The following WDR33 variants were observed in gnomAD, a reference collection of about 807,000 sequenced individuals.
WDR33 encodes the protein pre-mRNA 3' end processing protein WDR33.
In WDR33, 47 loss-of-function variants were observed where a neutral mutation model predicts 164.9. The observed-to-expected ratio is 0.29, with a 90% CI of 0.23 to 0.36. The LOEUF is 0.36. Ranked by LOEUF, WDR33 falls within the 10% of genes least tolerant of loss-of-function variation. WDR33 has a pLI of 1.00. For missense variants in WDR33, 1,137 were observed against 1,754.1 expected, an observed-to-expected ratio of 0.65 and a Z score of 6.28; for synonymous variants, 505 against 589.0, an observed-to-expected ratio of 0.86 and a Z score of 2.06.
chr2:127,736,383 T>C, intron 7 of WDR33: 1 of 985,388 alleles, frequency 1.0e-6, no homozygotes, highest in Non-Finnish European at 1.2e-6. Context: ...TGTTGCAAAA[T>C]GTAAGGATTT....
intron 7 of WDR33, among the ~76,000 whole-genome samples, chr2:127,754,810 G>C (rs1687475269): frequency 6.6e-6 from 1 of 151,734 alleles, no homozygotes; most frequent in Non-Finnish European, 1.5e-5. Context: ...CTATATTCTA[G>C]GCCTATATAA....
chr2:127,778,739 GGA>G (rs1410233324), intron 1 of WDR33, among the ~76,000 whole-genome samples: 1 of 152,052 alleles, frequency 6.6e-6, no homozygotes, highest in Non-Finnish European at 1.5e-5. Context: ...GGGTGTCAGG[GGA>G]GAGACACTTG....
chr2:127,745,710 A>G (rs1687146454), intron 7 of WDR33, among the ~76,000 whole-genome samples: 3 of 152,182 alleles, frequency 2.0e-5, no homozygotes, highest in African/African-American at 7.2e-5. Flanking sequence ...TTTTCAAGAT[A>G]TTGTAAACCT....
In WDR33 at chr2:127,770,342, T is replaced by C. The variant is rs1461535456; in HGVS notation, c.204+436A>G. ...TGAAATTCCACCGTGTCCCACTAATTCAACTAACACAGGTATACATACTTA... is the reference window on the plus strand; with the variant it reads ...TGAAATTCCACCGTGTCCCACTAATCCAACTAACACAGGTATACATACTTA... On this transcript the variant is annotated intron_variant, in intron 2 of 21. Coordinates refer to ENST00000322313, the MANE Select transcript of WDR33 (RefSeq NM_018383.5). The surrounding 1 kb of genome is among the most constrained non-coding windows in gnomAD (Gnocchi z 4.9). 6.6e-6 allele frequency among the ~76,000 whole-genome samples: 1 copy of C among 152,190 alleles called. No individual in the cohort carries two copies. Among genetic ancestry groups the C allele is most frequent in the Non-Finnish European group, 1.5e-5 (1 of 68,038 alleles).
Position 127,717,513 on chromosome 2 carries a change from A to G in WDR33, c.2761-250T>C, listed in dbSNP as rs1686330385. On this transcript the variant is annotated intron_variant, in intron 16 of 21. Coordinates refer to ENST00000322313, the MANE Select transcript of WDR33 (RefSeq NM_018383.5). This position sits in a 1 kb window ranked among gnomAD's most constrained non-coding sequence, Gnocchi z 5.6. ...AGATCTTTACTCGTAATGCCAAAAA[A>G]GAACATCAATGGAAAGTCAGAAATT... 6.6e-6 allele frequency among the ~76,000 whole-genome samples: 1 copy of G among 152,238 alleles called. No homozygotes were observed. The highest frequency in any genetic ancestry group is 1.5e-5 in the Non-Finnish European group (1 of 68,032).
At chr2:127,736,076 GTAAGTT>G (rs1446442702) in intron 7 of WDR33, 1 of 985,302 alleles carries the variant, frequency 1.0e-6, no homozygotes. Context: ...TTTAAAATGG[GTAAGTT>G]TCTTTCCCAG....
At chr2:127,753,353 T>C (rs984359836) in intron 7 of WDR33, among the ~76,000 whole-genome samples, 1 of 152,248 alleles carries the variant, frequency 6.6e-6, no homozygotes, top group Non-Finnish European at 1.5e-5. Flanking sequence ...TGCTTATAAA[T>C]ATAAAAGCCT....
intron 1 of WDR33, among the ~76,000 whole-genome samples, chr2:127,782,047 AAT>A (rs2105461932): frequency 6.6e-6 from 1 of 151,582 alleles, no homozygotes; most frequent in African/African-American, 2.4e-5. Context: ...ACACATATGG[AAT>A]ATTCAAAGTC....
At position 127,764,008 on chromosome 2, in the gene WDR33, A is replaced by T; in HGVS notation, c.626+820T>A. ...TGACTACAGTGGATGATGTTTCCATAAAGATGTCAACCTCCTCCCACACAT... is the reference window on the plus strand; with the variant it reads ...TGACTACAGTGGATGATGTTTCCATTAAGATGTCAACCTCCTCCCACACAT... On this transcript the variant is annotated intron_variant, in intron 6 of 21. Coordinates refer to ENST00000322313, the MANE Select transcript of WDR33 (RefSeq NM_018383.5). This position sits in a 1 kb window ranked among gnomAD's most constrained non-coding sequence, Gnocchi z 6.2. 1 of 986,162 alleles carries T rather than the reference A, an allele frequency of 1.0e-6. No individual in the cohort carries two copies. Among genetic ancestry groups the T allele is most frequent in the African/African-American group, 1.7e-5 (1 of 57,384 alleles). 61.1% of individuals were successfully genotyped at this position (986,162 alleles called of 1,614,324 possible). A position where few individuals can be genotyped will look rare whatever the true frequency, so the allele number is the denominator to read the frequency against.
rs557426677 is a variant in WDR33 at position 127,718,886 on chromosome 2, A to G, written c.2760+379T>C. ...CCAGGCTGCAATGTAAAGGGCCCAG[A>G]AAGGAGGCATGACAGCCTCAGAGCC... On this transcript the variant is annotated intron_variant, in intron 16 of 21. Coordinates refer to ENST00000322313, the MANE Select transcript of WDR33 (RefSeq NM_018383.5). This position sits in a 1 kb window ranked among gnomAD's most constrained non-coding sequence, Gnocchi z 4.4. Among the ~76,000 whole-genome samples the G allele has an allele frequency of 6.6e-6, 1 of 152,336 alleles. No homozygotes were observed. The highest frequency in any genetic ancestry group is 1.5e-5 in the Non-Finnish European group (1 of 68,036).
chr2:127,758,727 A>G (rs1386615660), intron 7 of WDR33, among the ~76,000 whole-genome samples: 1 of 152,304 alleles, frequency 6.6e-6, no homozygotes, highest in East Asian at 1.9e-4. Flanking sequence ...CGTATTTTCA[A>G]CCTGCCAGTA....
chr2:127,795,981 T>C (rs1221062863), intron 1 of WDR33, among the ~76,000 whole-genome samples: 3 of 151,952 alleles, frequency 2.0e-5, no homozygotes, highest in Non-Finnish European at 4.4e-5. Context: ...CTAAGATATT[T>C]TGGGGCAATT....
At position 127,703,022 on chromosome 2, in the gene WDR33, T is replaced by C. The variant is rs891499744; in HGVS notation, c.*3301A>G. 4 of 167,144 alleles carry C rather than the reference T, an allele frequency of 2.4e-5. No homozygotes were observed. The highest frequency in any genetic ancestry group is 4.8e-5 in the African/African-American group (2 of 41,478). The allele number at this position is 167,144 out of a possible 1,614,324, so 10.4% of individuals were successfully genotyped here. Reference sequence around the variant, plus strand: ...CTAGTTTACAATTTGCAGGCTGATCTTAAGATTTTTTTATATCTAATTGCT... The same window carrying C: ...CTAGTTTACAATTTGCAGGCTGATCCTAAGATTTTTTTATATCTAATTGCT... On this transcript the variant is annotated 3_prime_UTR_variant, in exon 22 of 22. Coordinates refer to ENST00000322313, the MANE Select transcript of WDR33 (RefSeq NM_018383.5).
Position 127,714,141 on chromosome 2 carries a change from G to T in WDR33, c.2870-120C>A. 1.7e-6 allele frequency: 2 copies of T among 1,172,826 alleles called. No homozygotes were observed. Among genetic ancestry groups the T allele is most frequent in the Non-Finnish European group, 2.3e-6 (2 of 879,818 alleles). 72.7% of individuals were successfully genotyped at this position (1,172,826 alleles called of 1,614,324 possible). On this transcript the variant is annotated intron_variant, in intron 17 of 21. Transcript: ENST00000322313. This position sits in a 1 kb window ranked among gnomAD's most constrained non-coding sequence, Gnocchi z 4.3. ...TTATTGAGAATGTTTTCCCTCCTTG[G>T]TTCTCAGCTTAGTTAGGAGACAAAT...
Position 127,793,629 on chromosome 2 carries a change from T to C in WDR33, c.-24+17383A>G, listed in dbSNP as rs552882779. On this transcript the variant is annotated intron_variant, in intron 1 of 21. Coordinates refer to ENST00000322313, the MANE Select transcript of WDR33 (RefSeq NM_018383.5). ...GGTGGCAGGTACTTGTGGTCCTAGC[T>C]ACTTGGAAGGCTGAGGAAGTAGAAT... Among the ~76,000 whole-genome samples, 249 of 152,202 alleles carry C rather than the reference T, an allele frequency of 1.6e-3. 1 individual carries two copies. The highest frequency in any genetic ancestry group is 3.4e-3 in the Middle Eastern group (1 of 294).
rs763075789 is a variant in WDR33, at chr2:127,701,492, G to A, written c.*4831C>T. The A allele has an allele frequency of 2.4e-6, 3 of 1,272,818 alleles. No individual in the cohort carries two copies. The highest frequency in any genetic ancestry group is 2.0e-6 in the Non-Finnish European group (2 of 1,006,392). 78.8% of individuals were successfully genotyped at this position (1,272,818 alleles called of 1,614,324 possible). A position where few individuals can be genotyped will look rare whatever the true frequency, so the allele number is the denominator to read the frequency against. ...CGCTTCAGCGGAGGGCCGGAAGTGA[G>A]CCGCAGCTTTTCCTTTCTGCCACCG... On this transcript the variant is annotated 3_prime_UTR_variant, in exon 22 of 22. Transcript: ENST00000322313.
chr2:127,724,060 G>A lies in WDR33; in HGVS notation c.1196+273C>T. Among the ~76,000 whole-genome samples, 1 of 145,680 alleles carries A rather than the reference G, an allele frequency of 6.9e-6. No homozygotes were observed. Among genetic ancestry groups the A allele is most frequent in the East Asian group, 2.0e-4 (1 of 5,070 alleles). The stretch of plus-strand genomic sequence containing the variant: ...ACCATTGCACGCCAGCCTGGACAGA[G>A]ACCCTGTCTCAAATAAATAAATAAA... On this transcript the variant is annotated intron_variant, in intron 11 of 21. Transcript: ENST00000322313. This position sits in a 1 kb window ranked among gnomAD's most constrained non-coding sequence, Gnocchi z 4.8.
rs1288486551 is a variant in WDR33, at chr2:127,701,242, C to CT, written c.*5080dup. 3.7e-6 allele frequency: 1 copy of CT among 269,658 alleles called. No homozygotes were observed. Among genetic ancestry groups the CT allele is most frequent in the Admixed American group, 5.4e-5 (1 of 18,602 alleles). 16.7% of individuals were successfully genotyped at this position (269,658 alleles called of 1,614,324 possible). A position where few individuals can be genotyped will look rare whatever the true frequency, so the allele number is the denominator to read the frequency against. On this transcript the variant is annotated 3_prime_UTR_variant, in exon 22 of 22. Coordinates refer to ENST00000322313, the MANE Select transcript of WDR33 (RefSeq NM_018383.5). ...AACCACACCCACCCCTGCCTTCCAA[C>CT]TATTAATGCTGGCAGGACTTAGCCA...
intron 1 of WDR33, among the ~76,000 whole-genome samples, chr2:127,781,558 G>A (rs1244364997): frequency 1.3e-5 from 2 of 152,064 alleles, no homozygotes; most frequent in Non-Finnish European, 2.9e-5. Flanking sequence ...GTTATCATTG[G>A]GAGAAACTGG....
Sources: allele counts gnomAD v4.1 joint callset (sites outside exome capture counted in the v4.1 genomes callset), GRCh38; gene constraint gnomAD v4.1.1; non-coding constraint Gnocchi (gnomAD v3.1); transcripts MANE v1.5; gene names NCBI Gene and HGNC (gene_info 2026-07-23, HGNC 2026-07-21).